SLC30A9: variants seen among roughly 807,000 people sequenced by gnomAD.
The protein encoded by SLC30A9 is proton-coupled zinc antiporter SLC30A9, mitochondrial.
A neutral mutation model predicts 87.5 loss-of-function variants in SLC30A9; 58 were observed. The ratio of observed to expected loss-of-function variants is 0.66; its 90% CI spans 0.54 to 0.82. The LOEUF (loss-of-function observed/expected upper bound fraction) is 0.82, where lower values mean the gene tolerates loss of function less well. Ranked by LOEUF, SLC30A9 falls within the 40% of genes least tolerant of loss-of-function variation. The pLI is 0.00. For missense variants in SLC30A9, 557 were observed against 679.1 expected (o/e 0.82, Z 2.00); for synonymous variants, 234 against 233.0 (o/e 1.00, Z -0.04).
chr4:42,057,992 C>T (rs1297731045), intron 9 of SLC30A9, among the ~76,000 whole-genome samples: 2 of 150,788 alleles, frequency 1.3e-5, no homozygotes, highest in Non-Finnish European at 2.9e-5. Flanking sequence ...GTCCCAGCTA[C>T]TCGGGAGGCT....
chr4:42,039,031 GTGGTGA>G lies in SLC30A9; in HGVS notation c.720_725del (p.Met241_Val242del). On this transcript the variant is annotated inframe_deletion, in exon 8 of 18. Coordinates refer to ENST00000264451, the MANE Select transcript of SLC30A9 (RefSeq NM_006345.4). ...AGTGTTTTTTAAGGGACCAGGAAAAGTGGTGATGGTTGCAATTTGCATGTAAGTACT... is the reference window on the plus strand; with the variant it reads ...AGTGTTTTTTAAGGGACCAGGAAAAGTGGTTGCAATTTGCATGTAAGTACT... The G allele has an allele frequency of 6.2e-7, 1 of 1,613,452 alleles. No individual in the cohort carries two copies. The highest frequency in any genetic ancestry group is 8.5e-7 in the Non-Finnish European group (1 of 1,179,492).
chr4:42,023,746 A>G (rs1408659184), intron 6 of SLC30A9, among the ~76,000 whole-genome samples: 1 of 152,162 alleles, frequency 6.6e-6, no homozygotes, highest in Non-Finnish European at 1.5e-5. Flanking sequence ...ACTACCCAAG[A>G]CTGGGTAGTT....
chr4:42,062,343 C>G (rs1055227403), intron 10 of SLC30A9, among the ~76,000 whole-genome samples: 1 of 151,830 alleles, frequency 6.6e-6, no homozygotes, highest in Non-Finnish European at 1.5e-5. Context: ...TTTTTGAGCA[C>G]CTTTAATACT....
At chr4:42,048,384 G>A (rs1717254439) in intron 8 of SLC30A9, among the ~76,000 whole-genome samples, 1 of 152,124 alleles carries the variant, frequency 6.6e-6, no homozygotes, top group African/African-American at 2.4e-5. Context: ...GAATAAATAT[G>A]ATGTTTTTAA....
At chr4:42,072,814 T>C (rs1718366021) in intron 15 of SLC30A9, among the ~76,000 whole-genome samples, 1 of 31,304 alleles carries the variant, frequency 3.2e-5, no homozygotes, top group Non-Finnish European at 2.3e-4. Context: ...GTTCTATCCT[T>C]TTTTTTTTTT....
chr4:41,992,652 A>G (rs945734498), intron 1 of SLC30A9, among the ~76,000 whole-genome samples: 23 of 152,214 alleles, frequency 1.5e-4, no homozygotes, highest in African/African-American at 5.5e-4. Context: ...ATGACTTTGC[A>G]AAGTTGTTTG....
Position 42,070,345 on chromosome 4 carries a change from TG to T in SLC30A9, c.1253-180del, listed in dbSNP as rs113721004. Reference sequence around the variant, plus strand: ...ACATAGTACTCTTATGAAAGCAAGTTGTAGCATCCTCATTTTGTGGTATATT... The same window carrying T: ...ACATAGTACTCTTATGAAAGCAAGTTTAGCATCCTCATTTTGTGGTATATT... On this transcript the variant is annotated intron_variant, in intron 14 of 17. Transcript: ENST00000264451. 330 of 500,690 alleles carry T rather than the reference TG, an allele frequency of 6.6e-4. 1 individual carries two copies. The highest frequency in any genetic ancestry group is 5.4e-3 in the African/African-American group (286 of 52,686). The allele number at this position is 500,690 out of a possible 1,614,324, so 31.0% of individuals were successfully genotyped here.
intron 2 of SLC30A9, among the ~76,000 whole-genome samples, chr4:42,015,349 A>G (rs1171369222): frequency 1.3e-5 from 2 of 152,198 alleles, no homozygotes; most frequent in Admixed American, 6.5e-5. Context: ...AAACTTTTTC[A>G]ATCTAAGAGA....
rs186247636 is a variant in SLC30A9, at chr4:42,075,313, A to T, written c.1419-344A>T. On this transcript the variant is annotated intron_variant, in intron 15 of 17. Coordinates refer to ENST00000264451, the MANE Select transcript of SLC30A9 (RefSeq NM_006345.4). ...GGTCTCAAACTCCTGACCTCAGGTG[A>T]TCCTCCCTGCTCGGCCTCCGAAAGT... is the stretch of plus-strand genomic sequence containing the variant. 3.2e-3 allele frequency among the ~76,000 whole-genome samples: 483 copies of T among 151,574 alleles called. 1 individual carries two copies. Among genetic ancestry groups the T allele is most frequent in the African/African-American group, 0.011 (462 of 41,370 alleles).
At chr4:42,053,488 C>T (rs984916582) in intron 9 of SLC30A9, among the ~76,000 whole-genome samples, 1 of 151,868 alleles carries the variant, frequency 6.6e-6, no homozygotes, top group Non-Finnish European at 1.5e-5. Flanking sequence ...GTCAGGAATT[C>T]GAGACCAGCC....
intron 10 of SLC30A9, among the ~76,000 whole-genome samples, chr4:42,061,747 A>G (rs1236597694): frequency 2.0e-5 from 3 of 151,516 alleles, no homozygotes. Flanking sequence ...ACAAAACAAA[A>G]AAATTAGCCG....
At chr4:42,075,032 TA>T (rs1718466729) in intron 15 of SLC30A9, among the ~76,000 whole-genome samples, 7 of 6,252 alleles carry the variant, frequency 1.1e-3, no homozygotes, top group Non-Finnish European at 2.3e-3. Context: ...TATATATATA[TA>T]TATATATATA....
chr4:42,077,596 G>T (rs561758253), intron 16 of SLC30A9, among the ~76,000 whole-genome samples: 50 of 152,140 alleles, frequency 3.3e-4, no homozygotes, highest in Middle Eastern at 6.8e-3. Context: ...TAGAGATGGG[G>T]TTTCACCATC....
chr4:42,080,157 G>A (rs944408744), intron 17 of SLC30A9, among the ~76,000 whole-genome samples: 2 of 152,162 alleles, frequency 1.3e-5, no homozygotes, highest in Non-Finnish European at 2.9e-5. Flanking sequence ...TGTTATAACA[G>A]CTGGTAGAAA....
At chr4:42,002,555 G>T (rs1377586241) in intron 2 of SLC30A9, among the ~76,000 whole-genome samples, 1 of 151,960 alleles carries the variant, frequency 6.6e-6, no homozygotes, top group East Asian at 1.9e-4. Context: ...GTGTTAATTT[G>T]CTTAGGATAA....
intron 8 of SLC30A9, among the ~76,000 whole-genome samples, chr4:42,045,257 A>T (rs924560847): frequency 3.3e-5 from 5 of 152,162 alleles, no homozygotes; most frequent in African/African-American, 1.2e-4. Flanking sequence ...CCTTCAAAAA[A>T]CCAGTGAATC....
In SLC30A9 at chr4:42,025,263, T is replaced by C. The variant is rs549869558; in HGVS notation, c.610+1879T>C. 1.6e-4 allele frequency among the ~76,000 whole-genome samples: 24 copies of C among 152,362 alleles called. 1 individual carries two copies. The highest frequency in any genetic ancestry group is 5.0e-4 in the African/African-American group (21 of 41,588). On this transcript the variant is annotated intron_variant, in intron 6 of 17. Coordinates refer to ENST00000264451, the MANE Select transcript of SLC30A9 (RefSeq NM_006345.4). Reference sequence around the variant, plus strand: ...TTGTTTTAGTCAGTTCATGTGATGGTGATGGTTGAACTGTTTTAGAAAAGT... The same window carrying C: ...TTGTTTTAGTCAGTTCATGTGATGGCGATGGTTGAACTGTTTTAGAAAAGT...
chr4:42,018,020 C>A, intron 2 of SLC30A9, 91 bp from the exon 3 acceptor site: 1 of 676,696 alleles, frequency 1.5e-6, no homozygotes, highest in Non-Finnish European at 2.6e-6. Context: ...CGTTTTTATG[C>A]ATTGCTATAT....
rs1160559540 is a variant in SLC30A9 at position 42,070,546 on chromosome 4, C to T, written c.1273C>T (p.Leu425=). Residue 425 remains leucine, a synonymous_variant, in exon 15 of 18, where the codon CTA becomes TTA. Transcript: ENST00000264451. ...TTTAGGCAATCCACTGTATGACAGC[C>T]TAGGTTCTTTGGGTGTGGGCACCTT... The part of the protein sequence containing the change: ...SITGNPLYDS[L]GSLGVGTLLG... The T allele has an allele frequency of 1.9e-6, 3 of 1,612,704 alleles. No homozygotes were observed. Among genetic ancestry groups the T allele is most frequent in the Admixed American group, 1.7e-5 (1 of 59,924 alleles).
Sources: gnomAD v4.1 joint callset for allele counts (sites outside exome capture counted in the v4.1 genomes callset) on GRCh38, gnomAD v4.1.1 for gene constraint, MANE v1.5 for transcripts, NCBI Gene and HGNC (gene_info 2026-07-23, HGNC 2026-07-21) for gene names.